The following DAB2IP variants were observed in gnomAD, a reference collection of about 807,000 sequenced individuals.
DAB2IP encodes the protein DAB2 interacting protein.
Under a neutral mutation model 107.2 loss-of-function variants are expected in DAB2IP, and 28 were observed. That is an observed-to-expected ratio of 0.26 (90% CI 0.19 to 0.36). DAB2IP has a LOEUF of 0.36. Ranked by LOEUF, DAB2IP falls within the 10% of genes least tolerant of loss-of-function variation. The pLI, the probability that DAB2IP is intolerant of heterozygous loss-of-function variation, is 1.00. For synonymous variants in DAB2IP, 755 were observed against 706.4 expected, an observed-to-expected ratio of 1.07 and a Z score of -1.09; for missense variants, 1,400 against 1,644.7, an observed-to-expected ratio of 0.85 and a Z score of 2.57.
At chr9:121,624,679 C>A (rs907916943) in intron 1 of DAB2IP, among the ~76,000 whole-genome samples, 1 of 152,222 alleles carries the variant, frequency 6.6e-6, no homozygotes, top group Non-Finnish European at 1.5e-5. Flanking sequence ...TACCCACCAT[C>A]TAGCCTAGGC....
intron 6 of DAB2IP, among the ~76,000 whole-genome samples, chr9:121,763,262 C>T (rs553400806): frequency 6.6e-6 from 1 of 152,288 alleles, no homozygotes; most frequent in South Asian, 2.1e-4. Context: ...CAGGCTGCCT[C>T]CATCCATAGA....
At chr9:121,663,310 C>T (rs950629404) in intron 1 of DAB2IP, among the ~76,000 whole-genome samples, 1 of 152,268 alleles carries the variant, frequency 6.6e-6, no homozygotes, top group Non-Finnish European at 1.5e-5. Flanking sequence ...CTTGCACTGT[C>T]CTTGCGGAAG....
chr9:121,580,649 G>C (rs1035924942), intron 1 of DAB2IP, among the ~76,000 whole-genome samples: 7 of 151,794 alleles, frequency 4.6e-5, no homozygotes, highest in Non-Finnish European at 7.4e-5. Context: ...TTCTGAGATG[G>C]AGTCTCGCTC....
chr9:121,699,149 G>C lies in DAB2IP; in HGVS notation c.229-176G>C, dbSNP rs1009764098. ...GCCGCGCTGCGCGGGCCGGGCCGTC[G>C]GCGCTCGGTCGGCGGGCGGGCGGCG... is the stretch of plus-strand genomic sequence containing the variant. On this transcript the variant is annotated intron_variant, in intron 2 of 15. Transcript: ENST00000408936. This position sits in a 1 kb window ranked among gnomAD's most constrained non-coding sequence, Gnocchi z 6.2. Among the ~76,000 whole-genome samples the C allele has an allele frequency of 3.3e-3, 475 of 145,078 alleles. 2 individuals carry two copies. Among genetic ancestry groups the C allele is most frequent in the Non-Finnish European group, 4.1e-3 (267 of 65,530 alleles).
chr9:121,691,076 G>A (rs1174946162), intron 2 of DAB2IP, among the ~76,000 whole-genome samples: 1 of 152,186 alleles, frequency 6.6e-6, no homozygotes, highest in Non-Finnish European at 1.5e-5. Flanking sequence ...GCTCCCAAGT[G>A]AAATCCTTTT....
At chr9:121,687,577 G>T (rs1033357905) in intron 2 of DAB2IP, among the ~76,000 whole-genome samples, 6 of 152,206 alleles carry the variant, frequency 3.9e-5, no homozygotes, top group African/African-American at 1.4e-4. Flanking sequence ...AGTCCCACTG[G>T]CCTGGGTTCG....
At chr9:121,714,262 A>G (rs1431614390) in intron 3 of DAB2IP, among the ~76,000 whole-genome samples, 2 of 152,216 alleles carry the variant, frequency 1.3e-5, no homozygotes, top group African/African-American at 4.8e-5. Flanking sequence ...TAGAAAATCA[A>G]TATTCTGTGG....
At chr9:121,770,493 C>A in intron 10 of DAB2IP, 53 bp from the exon 11 acceptor site, 1 of 1,580,266 alleles carries the variant, frequency 6.3e-7, no homozygotes, top group South Asian at 1.1e-5. Flanking sequence ...GCACATACAG[C>A]CTACCCATGT....
Position 121,701,377 on chromosome 9 carries a change from C to A in DAB2IP, c.362+1919C>A, listed in dbSNP as rs956975216. ...TCAGCCTTGCCACATGCTGAAGGGG[C>A]GCAGAGTGGGGGTTGGGAGTGAAAC... On this transcript the variant is annotated intron_variant, in intron 3 of 15. Coordinates refer to ENST00000408936, the Ensembl canonical transcript of DAB2IP. This position sits in a 1 kb window ranked among gnomAD's most constrained non-coding sequence, Gnocchi z 4.7. 6.6e-6 allele frequency among the ~76,000 whole-genome samples: 1 copy of A among 152,126 alleles called. No individual in the cohort carries two copies. Among genetic ancestry groups the A allele is most frequent in the Non-Finnish European group, 1.5e-5 (1 of 68,030 alleles).
In DAB2IP at chr9:121,776,918, G is replaced by A. The variant is rs1382946721; in HGVS notation, c.3314+527G>A. On this transcript the variant is annotated intron_variant, in intron 14 of 15. Transcript: ENST00000408936. This position sits in a 1 kb window ranked among gnomAD's most constrained non-coding sequence, Gnocchi z 5.4. ...TGGTTTGAGTGGGGAGGGAGAGGGG[G>A]ATGGTGCCAGTCTGATATCCTGAGT... Among the ~76,000 whole-genome samples the A allele has an allele frequency of 6.6e-6, 1 of 152,122 alleles. No homozygotes were observed. Among genetic ancestry groups the A allele is most frequent in the Admixed American group, 6.5e-5 (1 of 15,280 alleles).
At chr9:121,588,136 C>T in intron 1 of DAB2IP, among the ~76,000 whole-genome samples, 1 of 152,288 alleles carries the variant, frequency 6.6e-6, no homozygotes, top group South Asian at 2.1e-4. Flanking sequence ...GTTTTACTAT[C>T]TACCCATCCC....
chr9:121,772,825 G>T lies in DAB2IP; in HGVS notation c.2297G>T (p.Gly766Val). The T allele has an allele frequency of 6.2e-7, 1 of 1,605,060 alleles. No homozygotes were observed. ...GATGGGGAGGCAGGCTCCCCGGCGG[G>T]CCCCGACGTCCTCCCCACAGATGGG... Residue 766 changes from glycine (G) to valine (V), a missense_variant, in exon 12 of 16, where the codon GGC becomes GTC. By Grantham distance (109) the Gly-to-Val change is moderately radical (BLOSUM62 -3). Coordinates refer to ENST00000408936, the Ensembl canonical transcript of DAB2IP. The surrounding 1 kb of genome is among the most constrained non-coding windows in gnomAD (Gnocchi z 4.7).
chr9:121,648,098 G>A (rs1454747758), upstream of DAB2IP, among the ~76,000 whole-genome samples: 1 of 152,030 alleles, frequency 6.6e-6, no homozygotes, highest in Non-Finnish European at 1.5e-5. Context: ...TGGGGACTCA[G>A]GGAACGGGTG....
At chr9:121,784,706 C>G (rs1012805924) in exon 16 of DAB2IP, 1 of 154,862 alleles carries the variant, frequency 6.5e-6, no homozygotes, top group South Asian at 2.0e-4. Flanking sequence ...TGCTGCTCTC[C>G]CAAGGGTTTT....
chr9:121,746,422 C>G (rs1832727284), intron 3 of DAB2IP, among the ~76,000 whole-genome samples: 1 of 152,178 alleles, frequency 6.6e-6, no homozygotes, highest in Non-Finnish European at 1.5e-5. Context: ...TTTTAAGGAA[C>G]CATGCCTGCT....
Position 121,782,195 on chromosome 9 carries a change from TG to T in DAB2IP, c.3403-135del, listed in dbSNP as rs1835712478. The T allele has an allele frequency of 6.4e-6, 9 of 1,409,378 alleles. No homozygotes were observed. The highest frequency in any genetic ancestry group is 8.5e-6 in the Non-Finnish European group (9 of 1,059,906). 87.3% of individuals were successfully genotyped at this position (1,409,378 alleles called of 1,614,324 possible). On this transcript the variant is annotated intron_variant, in intron 15 of 15. Coordinates refer to ENST00000408936, the Ensembl canonical transcript of DAB2IP. This position sits in a 1 kb window ranked among gnomAD's most constrained non-coding sequence, Gnocchi z 6.1. ...GCAGAGGCCTCTGCCTACCTTCTCT[TG>T]CCAGCTGCTCACAGCCCGGAGCCTG...
At chr9:121,629,030 G>A (rs759797711) in intron 1 of DAB2IP, among the ~76,000 whole-genome samples, 7 of 152,168 alleles carry the variant, frequency 4.6e-5, no homozygotes, top group Admixed American at 6.5e-5. Flanking sequence ...AATCACTTGC[G>A]CCTGGAGTGA....
intron 1 of DAB2IP, among the ~76,000 whole-genome samples, chr9:121,611,736 CA>C: frequency 6.6e-6 from 1 of 152,038 alleles, no homozygotes; most frequent in Admixed American, 6.6e-5. Flanking sequence ...AGGTGTGTGC[CA>C]CCACAGTCAG....
chr9:121,783,709 C>G, exon 16 of DAB2IP: 1 of 955,738 alleles, frequency 1.0e-6, no homozygotes, highest in Non-Finnish European at 1.6e-6. Context: ...TCCTCCTCAC[C>G]CTTCCCGGCC....
Sources: allele counts gnomAD v4.1 joint callset (sites outside exome capture counted in the v4.1 genomes callset), GRCh38; gene constraint gnomAD v4.1.1; non-coding constraint Gnocchi (gnomAD v3.1); transcripts MANE v1.5; gene names NCBI Gene and HGNC (gene_info 2026-07-23, HGNC 2026-07-21).